ARHGAP1: variants seen among roughly 807,000 people sequenced by gnomAD.
ARHGAP1 encodes rho GTPase-activating protein 1.
In ARHGAP1, 23 loss-of-function variants were observed where a neutral mutation model predicts 52.2. That is an observed-to-expected ratio of 0.44 (90% CI 0.32 to 0.62). The LOEUF is 0.62. ARHGAP1 is among the 20% of genes least tolerant of loss of function. The probability of loss-of-function intolerance (pLI) is 0.05; values close to 1 mark genes in which losing one functional copy is unlikely to be tolerated. For synonymous variants in ARHGAP1, 210 were observed against 228.4 expected, an observed-to-expected ratio of 0.92 and a Z score of 0.73; for missense variants, 480 against 560.9, an observed-to-expected ratio of 0.86 and a Z score of 1.46.
chr11:46,699,901 G>A (rs1354201976), intron 1 of ARHGAP1, among the ~76,000 whole-genome samples: 3 of 152,014 alleles, frequency 2.0e-5, no homozygotes, highest in Non-Finnish European at 4.4e-5. Flanking sequence ...GCCGGGCGCA[G>A]TGGCTCACGT....
chr11:46,688,331 G>A, intron 3 of ARHGAP1, 71 bp from the exon 4 acceptor site: 1 of 1,450,736 alleles, frequency 6.9e-7, no homozygotes. Context: ...GGAACTTAAA[G>A]GGGCCAGGCC....
chr11:46,691,272 A>C (rs1261611450), intron 3 of ARHGAP1, among the ~76,000 whole-genome samples: 4 of 151,940 alleles, frequency 2.6e-5, no homozygotes, highest in Non-Finnish European at 5.9e-5. Flanking sequence ...GCCTGGTTCT[A>C]GTTATATTTC....
Position 46,679,899 on chromosome 11 carries a change from C to A in ARHGAP1, c.899-123G>T. 7.0e-7 allele frequency: 1 copy of A among 1,432,060 alleles called. No individual in the cohort carries two copies. The highest frequency in any genetic ancestry group is 9.3e-7 in the Non-Finnish European group (1 of 1,073,574). 88.7% of individuals were successfully genotyped at this position (1,432,060 alleles called of 1,614,324 possible). On this transcript the variant is annotated intron_variant, in intron 10 of 12. Transcript: ENST00000311956. The surrounding 1 kb of genome is among the most constrained non-coding windows in gnomAD (Gnocchi z 4.4). ...CTGCATAAGCCCCTCCTCCCAGGGG[C>A]GCCCTCTGACACCTGCCTCCCTCTT...
intron 4 of ARHGAP1, chr11:46,686,770 C>T (rs567125441): frequency 6.5e-6 from 1 of 152,700 alleles, no homozygotes; most frequent in African/African-American, 2.4e-5. Flanking sequence ...GCTCTGTCGC[C>T]CAGGCTAGAG....
At chr11:46,684,121 G>A (rs562534525) in intron 4 of ARHGAP1, among the ~76,000 whole-genome samples, 5 of 152,328 alleles carry the variant, frequency 3.3e-5, no homozygotes, top group East Asian at 1.9e-4. Context: ...AGACTGGCCC[G>A]TGGGTGCCAG....
intron 3 of ARHGAP1, among the ~76,000 whole-genome samples, chr11:46,692,726 C>T (rs931657373): frequency 2.0e-5 from 3 of 152,118 alleles, no homozygotes; most frequent in African/African-American, 2.4e-5. Context: ...CTCGCTCTGT[C>T]GCTCAGGCTG....
chr11:46,686,244 A>G (rs1190404770), intron 4 of ARHGAP1, among the ~76,000 whole-genome samples: 1 of 151,970 alleles, frequency 6.6e-6, no homozygotes, highest in Non-Finnish European at 1.5e-5. Context: ...TTGGCCTCCC[A>G]AAGTGCTGGG....
chr11:46,693,274 GGT>G (rs1426924657), intron 3 of ARHGAP1, among the ~76,000 whole-genome samples: 3 of 152,000 alleles, frequency 2.0e-5, no homozygotes, highest in African/African-American at 7.3e-5. Context: ...GGGATTACTA[GGT>G]GTGAGCCACC....
rs370270102 is a variant in ARHGAP1 at position 46,696,500 on chromosome 11, GC to G, written c.-49-345del. On this transcript the variant is annotated intron_variant, in intron 1 of 12. Coordinates refer to ENST00000311956, the MANE Select transcript of ARHGAP1 (RefSeq NM_004308.5). The surrounding 1 kb of genome is among the most constrained non-coding windows in gnomAD (Gnocchi z 4.8). ...CCAGCTGTAGAGGGCAGAGGTCCAC[GC>G]CCCTCGCCTCAGGAGACCTGGACAC... Among the ~76,000 whole-genome samples, 70 of 152,274 alleles carry G rather than the reference GC, an allele frequency of 4.6e-4. No homozygotes were observed. The South Asian group carries it at 0.014, about 31-fold the overall frequency.
At position 46,695,654 on chromosome 11, in the gene ARHGAP1, G is replaced by A; in HGVS notation, c.229+6C>T. On this transcript the variant is annotated splice_donor_region_variant and intron_variant, in intron 3 of 12. Coordinates refer to ENST00000311956, the MANE Select transcript of ARHGAP1 (RefSeq NM_004308.5). ...GGGTTAGGAAAATAGTGTTGGGTGT[G>A]CTTACCTGCCACCTCCACGATCTGG... 6.4e-7 allele frequency: 1 copy of A among 1,551,436 alleles called. No homozygotes were observed. Among genetic ancestry groups the A allele is most frequent in the Non-Finnish European group, 8.7e-7 (1 of 1,146,742 alleles).
Position 46,680,323 on chromosome 11 carries a change from CA to C in ARHGAP1, c.821-42del. 6.2e-7 allele frequency: 1 copy of C among 1,606,164 alleles called. No homozygotes were observed. The highest frequency in any genetic ancestry group is 8.5e-7 in the Non-Finnish European group (1 of 1,173,122). ...GCCTGGTGAGCCTCCGAGCGCTGGG[CA>C]CCGGCTGGATTCCCTGCCCCTTCTC... On this transcript the variant is annotated intron_variant, in intron 9 of 12. Coordinates refer to ENST00000311956, the MANE Select transcript of ARHGAP1 (RefSeq NM_004308.5). The surrounding 1 kb of genome is among the most constrained non-coding windows in gnomAD (Gnocchi z 5.9).
Position 46,681,957 on chromosome 11 carries a change from T to C in ARHGAP1, c.449+94A>G. On this transcript the variant is annotated intron_variant, in intron 5 of 12. Coordinates refer to ENST00000311956, the MANE Select transcript of ARHGAP1 (RefSeq NM_004308.5). This position sits in a 1 kb window ranked among gnomAD's most constrained non-coding sequence, Gnocchi z 5.7. ...CGGCAGCCCCCGCCACCCCCTGCCTTGGAATAAGCTCCTGCCCAAGTGGAG... is the reference window on the plus strand; with the variant it reads ...CGGCAGCCCCCGCCACCCCCTGCCTCGGAATAAGCTCCTGCCCAAGTGGAG... 6.4e-7 allele frequency: 1 copy of C among 1,561,094 alleles called. No homozygotes were observed. Among genetic ancestry groups the C allele is most frequent in the South Asian group, 1.2e-5 (1 of 85,874 alleles).
chr11:46,697,625 C>T (rs1007521784), intron 1 of ARHGAP1: 2 of 152,328 alleles, frequency 1.3e-5, no homozygotes, highest in African/African-American at 2.4e-5. Flanking sequence ...AGGGCAACCA[C>T]ACGGATTGAG....
intron 3 of ARHGAP1, among the ~76,000 whole-genome samples, chr11:46,688,647 A>G (rs1311285563): frequency 6.6e-6 from 1 of 151,902 alleles, no homozygotes; most frequent in Non-Finnish European, 1.5e-5. Context: ...ATACCTGGTG[A>G]AATTTTAAAA....
intron 3 of ARHGAP1, 175 bp downstream of exon 3, chr11:46,695,485 A>T: frequency 1.4e-6 from 1 of 721,912 alleles, no homozygotes; most frequent in Non-Finnish European, 2.5e-6. Flanking sequence ...AGAGCTGGAG[A>T]TCAAACCCAG....
intron 3 of ARHGAP1, among the ~76,000 whole-genome samples, chr11:46,693,157 C>T (rs1030137589): frequency 6.6e-6 from 1 of 151,536 alleles, no homozygotes; most frequent in African/African-American, 2.4e-5. Flanking sequence ...TGGCCTTAAC[C>T]CCAGCTAATT....
In ARHGAP1 at chr11:46,681,526, C is replaced by G; in HGVS notation, c.450-147G>C. Reference sequence around the variant, plus strand: ...TCAGCTCATTGCAGCCTCCACCTCCCGGATTCAAGCTATTCTCCTGCCTCA... The same window carrying G: ...TCAGCTCATTGCAGCCTCCACCTCCGGGATTCAAGCTATTCTCCTGCCTCA... On this transcript the variant is annotated intron_variant, in intron 5 of 12. Coordinates refer to ENST00000311956, the MANE Select transcript of ARHGAP1 (RefSeq NM_004308.5). The surrounding 1 kb of genome is among the most constrained non-coding windows in gnomAD (Gnocchi z 5.7). The G allele has an allele frequency of 1.6e-6, 1 of 628,306 alleles. No homozygotes were observed. The highest frequency in any genetic ancestry group is 2.9e-6 in the Non-Finnish European group (1 of 347,378). The allele number at this position is 628,306 out of a possible 1,614,324, so 38.9% of individuals were successfully genotyped here.
chr11:46,681,163 A>T lies in ARHGAP1; in HGVS notation c.537-54T>A, dbSNP rs1438370940. The T allele has an allele frequency of 1.3e-6, 2 of 1,565,050 alleles. No homozygotes were observed. Among genetic ancestry groups the T allele is most frequent in the Admixed American group, 1.7e-5 (1 of 59,774 alleles). ...TGGGGGCCCGCTTCCGGTGGCCTCC[A>T]CTCTCCCCTCAACACCCACCCAGTT... On this transcript the variant is annotated intron_variant, in intron 6 of 12. Transcript: ENST00000311956. The surrounding 1 kb of genome is among the most constrained non-coding windows in gnomAD (Gnocchi z 5.7).
Position 46,679,659 on chromosome 11 carries a change from A to G in ARHGAP1, c.1016T>C (p.Val339Ala), listed in dbSNP as rs753784390. Residue 339 changes from valine (V) to alanine (A), a missense_variant, in exon 11 of 13, where the codon GTG becomes GCG. Val to Ala is a moderately conservative substitution (Grantham distance 64). Coordinates refer to ENST00000311956, the MANE Select transcript of ARHGAP1 (RefSeq NM_004308.5). This position sits in a 1 kb window ranked among gnomAD's most constrained non-coding sequence, Gnocchi z 4.4. ...AGATGGGGACTCACTGAGGAAGCCC[A>G]CCACATGGGGGTAGAGGTCAAAGGT... ...LLTFDLYPHV[V>A]GFLNIDESQR... 1.9e-6 allele frequency: 3 copies of G among 1,613,924 alleles called. No homozygotes were observed. Among genetic ancestry groups the G allele is most frequent in the African/African-American group, 1.3e-5 (1 of 74,944 alleles).
Sources: gnomAD v4.1 joint callset for allele counts (sites outside exome capture counted in the v4.1 genomes callset) on GRCh38, gnomAD v4.1.1 for gene constraint, Gnocchi (gnomAD v3.1) non-coding constraint, MANE v1.5 for transcripts, NCBI Gene and HGNC (gene_info 2026-07-23, HGNC 2026-07-21) for gene names.